The following SEMA6D variants were observed in gnomAD, a reference collection of about 807,000 sequenced individuals.
The protein encoded by SEMA6D is semaphorin 6D, also known as semaphorin-6D.
A neutral mutation model predicts 106.6 loss-of-function variants in SEMA6D; 35 were observed. The observed-to-expected ratio is 0.33, with a 90% confidence interval of 0.25 to 0.44. The LOEUF is 0.44. Among genes scored for constraint, SEMA6D ranks in the 20% least tolerant of loss-of-function variants. The pLI, the probability that SEMA6D is intolerant of heterozygous loss-of-function variation, is 1.00. For missense variants in SEMA6D, 1,185 were observed against 1,345.9 expected (o/e 0.88, Z 1.87); for synonymous variants, 499 against 487.7 (o/e 1.02, Z -0.31).
intron 4 of SEMA6D, among the ~76,000 whole-genome samples, chr15:47,711,309 C>CAAAAAAAA (rs10672105): frequency 1.0e-5 from 1 of 97,816 alleles, no homozygotes. Context: ...GACTCCGTCT[C>CAAAAAAAA]AAAAAAAAAA....
intron 1 of SEMA6D, among the ~76,000 whole-genome samples, chr15:47,329,039 T>G (rs1779918944): frequency 6.6e-6 from 1 of 151,438 alleles, no homozygotes; most frequent in South Asian, 2.1e-4. Flanking sequence ...AAGATAAAGC[T>G]TATTCATTCT....
intron 3 of SEMA6D, chr15:47,525,565 T>C (rs1397680802): frequency 1.3e-5 from 2 of 152,238 alleles, no homozygotes; most frequent in African/African-American, 2.4e-5. Context: ...TTTTAAAAAC[T>C]CATCCACAAA....
At chr15:47,443,060 G>T (rs983694462) in intron 2 of SEMA6D, among the ~76,000 whole-genome samples, 1 of 152,102 alleles carries the variant, frequency 6.6e-6, no homozygotes, top group Non-Finnish European at 1.5e-5. Flanking sequence ...TTAGCCTTCT[G>T]CCAGTGAGGG....
At chr15:47,337,980 T>C (rs190307566) in intron 1 of SEMA6D, among the ~76,000 whole-genome samples, 3 of 152,318 alleles carry the variant, frequency 2.0e-5, no homozygotes, top group East Asian at 1.9e-4. Flanking sequence ...TTACCCCATC[T>C]AGAAAAACTG....
rs564501304 is a variant in SEMA6D at position 47,211,688 on chromosome 15, G to A, written c.-239+27270G>A. 3.3e-5 allele frequency among the ~76,000 whole-genome samples: 5 copies of A among 152,078 alleles called. No homozygotes were observed. The South Asian group carries it at 1.0e-3, about 32-fold the overall frequency. ...TCTGTCATGACCTTTTATCAAAGAG[G>A]AAAACATTTGGCCAAATTTACTTAT... On this transcript the variant is annotated intron_variant, in intron 1 of 19. Coordinates refer to the SEMA6D transcript ENST00000558014.
intron 1 of SEMA6D, among the ~76,000 whole-genome samples, chr15:47,283,737 C>T (rs2035236723): frequency 6.6e-6 from 1 of 152,172 alleles, no homozygotes; most frequent in African/African-American, 2.4e-5. Context: ...ACCAGCTTAA[C>T]ACTTCTTATA....
chr15:47,692,336 C>T (rs1948679785), intron 4 of SEMA6D, among the ~76,000 whole-genome samples: 1 of 152,090 alleles, frequency 6.6e-6, no homozygotes. Flanking sequence ...TTTCCTTCCT[C>T]TACTGTGAAC....
chr15:47,714,808 A>G (rs943296386), upstream of SEMA6D, among the ~76,000 whole-genome samples: 3 of 152,202 alleles, frequency 2.0e-5, no homozygotes, highest in Non-Finnish European at 4.4e-5. Context: ...TCTCTGGTTT[A>G]GCACATAAGG....
chr15:47,451,702 C>T (rs1262500577), intron 2 of SEMA6D, among the ~76,000 whole-genome samples: 4 of 151,894 alleles, frequency 2.6e-5, no homozygotes, highest in Admixed American at 6.6e-5. Context: ...TTAAGTCCTC[C>T]CTTTGTTCTC....
At chr15:47,325,227 G>A (rs2037083033) in intron 1 of SEMA6D, among the ~76,000 whole-genome samples, 1 of 151,272 alleles carries the variant, frequency 6.6e-6, no homozygotes, top group South Asian at 2.1e-4. Context: ...AGGCTGGAGT[G>A]CAGTGGCGCC....
intron 1 of SEMA6D, among the ~76,000 whole-genome samples, chr15:47,193,981 G>T (rs28532071): frequency 0.2 from 30,694 of 151,886 alleles, 3,429 homozygotes; most frequent in Non-Finnish European, 0.25. Context: ...AATGTCTGTT[G>T]TGATTACATT....
At chr15:47,518,332 T>A (rs1254323549) in intron 3 of SEMA6D, among the ~76,000 whole-genome samples, 1 of 152,238 alleles carries the variant, frequency 6.6e-6, no homozygotes, top group Non-Finnish European at 1.5e-5. Flanking sequence ...TTGTCTTATC[T>A]ATTTGCTAAA....
In SEMA6D at chr15:47,418,277, G is replaced by A. The variant is rs114974717; in HGVS notation, c.-159+5805G>A. Among the ~76,000 whole-genome samples, 718 of 152,222 alleles carry A rather than the reference G, an allele frequency of 4.7e-3. 6 individuals carry two copies. Among genetic ancestry groups the A allele is most frequent in the African/African-American group, 0.017 (686 of 41,542 alleles). ...TGGGTAGTATACTTGAAAATTAGCA[G>A]GGAGGCTATTCAGTCTGAATCATTA... On this transcript the variant is annotated intron_variant, in intron 2 of 19. Coordinates refer to the SEMA6D transcript ENST00000558014.
chr15:47,209,868 G>A (rs570293336), intron 1 of SEMA6D, among the ~76,000 whole-genome samples: 1 of 152,224 alleles, frequency 6.6e-6, no homozygotes, highest in South Asian at 2.1e-4. Context: ...GATTCATTGG[G>A]CCAAAGGAGC....
chr15:47,610,407 C>T (rs868008627), intron 4 of SEMA6D, among the ~76,000 whole-genome samples: 1 of 152,204 alleles, frequency 6.6e-6, no homozygotes, highest in Non-Finnish European at 1.5e-5. Context: ...ACAGTGGATT[C>T]ACCTTTAACC....
intron 1 of SEMA6D, among the ~76,000 whole-genome samples, chr15:47,327,029 CTG>C (rs1291932823): frequency 1.3e-5 from 2 of 152,152 alleles, no homozygotes; most frequent in Non-Finnish European, 2.9e-5. Flanking sequence ...ACAGGTGAGA[CTG>C]TGCATCTTGG....
intron 2 of SEMA6D, among the ~76,000 whole-genome samples, chr15:47,416,908 A>C (rs1366108768): frequency 6.6e-6 from 1 of 152,142 alleles, no homozygotes; most frequent in African/African-American, 2.4e-5. Flanking sequence ...CCATAACTGC[A>C]ATGGTCCCAT....
At chr15:47,373,191 G>C (rs78240064) in intron 1 of SEMA6D, among the ~76,000 whole-genome samples, 2,519 of 152,228 alleles carry the variant, frequency 0.017, 64 homozygotes, top group African/African-American at 0.058. Flanking sequence ...AATATCCAGG[G>C]TGGTCCTAAG....
At chr15:47,651,879 A>G (rs1596536920) in intron 4 of SEMA6D, among the ~76,000 whole-genome samples, 1 of 152,200 alleles carries the variant, frequency 6.6e-6, no homozygotes, top group South Asian at 2.1e-4. Flanking sequence ...GCCCAGATAT[A>G]CCAGTCACTC....
Sources: allele counts gnomAD v4.1 joint callset (sites outside exome capture counted in the v4.1 genomes callset), GRCh38; gene constraint gnomAD v4.1.1; transcripts MANE v1.5; gene names NCBI Gene and HGNC (gene_info 2026-07-23, HGNC 2026-07-21).